KAT6A: variants seen among roughly 807,000 people sequenced by gnomAD.
KAT6A encodes the protein histone acetyltransferase KAT6A.
KAT6A carries 9 observed loss-of-function variants against 198.4 expected under a neutral mutation model. The observed-to-expected ratio is 0.05, with a 90% CI of 0.03 to 0.08. KAT6A has a LOEUF of 0.08. KAT6A is among the 10% of genes least tolerant of loss of function. The pLI is 1.00. For synonymous variants in KAT6A, 890 were observed against 883.0 expected (o/e 1.01, Z -0.14); for missense variants, 2,077 against 2,509.9 (o/e 0.83, Z 3.69).
intron 8 of KAT6A, among the ~76,000 whole-genome samples, chr8:41,967,848 A>G (rs1268118496): frequency 6.6e-6 from 1 of 152,086 alleles, no homozygotes; most frequent in Non-Finnish European, 1.5e-5. Flanking sequence ...ATCTTTGACA[A>G]ACCTGAGAAA....
At chr8:41,993,289 C>A (rs1648230017) in intron 2 of KAT6A, among the ~76,000 whole-genome samples, 1 of 152,248 alleles carries the variant, frequency 6.6e-6, no homozygotes, top group South Asian at 2.1e-4. Flanking sequence ...ATCAAATAAT[C>A]CCAGTCTTAG....
At chr8:41,971,420 A>G (rs897218426) in intron 8 of KAT6A, among the ~76,000 whole-genome samples, 2 of 152,110 alleles carry the variant, frequency 1.3e-5, no homozygotes, top group African/African-American at 2.4e-5. Flanking sequence ...TGAACCTACT[A>G]AATCATCGAC....
intron 2 of KAT6A, among the ~76,000 whole-genome samples, chr8:42,014,471 G>T (rs1826170987): frequency 6.6e-6 from 1 of 152,142 alleles, no homozygotes; most frequent in East Asian, 1.9e-4. Context: ...CACATTTTTG[G>T]CTTGAGATCA....
intron 2 of KAT6A, among the ~76,000 whole-genome samples, chr8:41,994,289 G>C (rs916548047): frequency 6.6e-6 from 1 of 152,144 alleles, no homozygotes; most frequent in African/African-American, 2.4e-5. Flanking sequence ...CAACTCTCCA[G>C]TCCAATTGCT....
chr8:41,986,392 A>G (rs1824604788), intron 3 of KAT6A, among the ~76,000 whole-genome samples: 2 of 152,208 alleles, frequency 1.3e-5, no homozygotes, highest in Admixed American at 1.3e-4. Context: ...GTAAGTTTCC[A>G]TCAAGAAAAA....
intron 2 of KAT6A, among the ~76,000 whole-genome samples, chr8:41,991,766 A>G (rs766990827): frequency 2.0e-5 from 3 of 152,176 alleles, no homozygotes; most frequent in Non-Finnish European, 4.4e-5. Flanking sequence ...TACAGGTGAT[A>G]ACTGACAGCA....
At chr8:42,013,983 C>T (rs955843200) in intron 2 of KAT6A, among the ~76,000 whole-genome samples, 3 of 152,176 alleles carry the variant, frequency 2.0e-5, no homozygotes, top group African/African-American at 7.2e-5. Flanking sequence ...TGAAAGAAGC[C>T]TTGGACAACA....
In KAT6A at chr8:42,048,521, G is replaced by A. The variant is rs773797630; in HGVS notation, c.457C>T (p.Arg153Cys). 4.3e-6 allele frequency: 7 copies of A among 1,614,156 alleles called. No homozygotes were observed. Among genetic ancestry groups the A allele is most frequent in the South Asian group, 2.2e-5 (2 of 91,086 alleles). Reference sequence around the variant, plus strand: ...AGGAGTCTGCCGTGGCCAATGGCACGTTTGATAGCCAATCGTAACTGCTGG... The same window carrying A: ...AGGAGTCTGCCGTGGCCAATGGCACATTTGATAGCCAATCGTAACTGCTGG... ...FHQQLRLAIK[R>C]AIGHGRLLKD... Residue 153 changes from arginine to cysteine, a missense_variant, in exon 2 of 17, where the codon CGT becomes TGT. This residue lies in a region of KAT6A where 185 missense variants were observed against 185.7 expected (regional missense o/e 1.00). Transcript: ENST00000265713.
chr8:42,000,002 C>T (rs950460475), intron 2 of KAT6A, among the ~76,000 whole-genome samples: 18 of 152,178 alleles, frequency 1.2e-4, no homozygotes, highest in Admixed American at 1.2e-3. Flanking sequence ...TGTTAACTGA[C>T]TGATTGCCAC....
chr8:41,959,239 G>A (rs1048774510), intron 8 of KAT6A, among the ~76,000 whole-genome samples: 2 of 150,996 alleles, frequency 1.3e-5, no homozygotes, highest in Non-Finnish European at 2.9e-5. Context: ...ATAAGCTCAT[G>A]AAAAGATGCT....
At chr8:41,968,188 AC>A (rs1351168720) in intron 8 of KAT6A, among the ~76,000 whole-genome samples, 8 of 152,298 alleles carry the variant, frequency 5.3e-5, no homozygotes, top group African/African-American at 1.9e-4. Flanking sequence ...TGAACAGGCA[AC>A]CCACAAAATG....
At position 41,931,373 on chromosome 8, in the gene KAT6A, A is replaced by G; in HGVS notation, c.*832T>C. The G allele has an allele frequency of 4.7e-6, 1 of 214,984 alleles. No individual in the cohort carries two copies. The highest frequency in any genetic ancestry group is 6.9e-5 in the East Asian group (1 of 14,444). 13.3% of individuals were successfully genotyped at this position (214,984 alleles called of 1,614,324 possible). ...CCATCTCTATTCCTCCAAAGGCTGGATTTGGATTGCAAACAGCTTTTCTCT... is the reference window on the plus strand; with the variant it reads ...CCATCTCTATTCCTCCAAAGGCTGGGTTTGGATTGCAAACAGCTTTTCTCT... On this transcript the variant is annotated 3_prime_UTR_variant, in exon 17 of 17. Transcript: ENST00000265713.
intron 8 of KAT6A, among the ~76,000 whole-genome samples, chr8:41,960,424 G>A (rs1290772693): frequency 6.1e-5 from 9 of 146,350 alleles, no homozygotes; most frequent in Non-Finnish European, 4.5e-5. Context: ...AAAGAATGGC[G>A]AGAACCCGGG....
intron 2 of KAT6A, among the ~76,000 whole-genome samples, chr8:42,039,197 T>C (rs1827519070): frequency 6.6e-6 from 1 of 152,206 alleles, no homozygotes; most frequent in African/African-American, 2.4e-5. Context: ...TGCAGATCCT[T>C]TGTGAAATGA....
intron 2 of KAT6A, among the ~76,000 whole-genome samples, chr8:42,024,386 G>A (rs894591686): frequency 3.3e-5 from 5 of 152,148 alleles, no homozygotes; most frequent in African/African-American, 7.2e-5. Flanking sequence ...CATACAATGC[G>A]TAATGATCAA....
At chr8:41,961,271 A>G (rs1823191124) in intron 8 of KAT6A, among the ~76,000 whole-genome samples, 1 of 152,184 alleles carries the variant, frequency 6.6e-6, no homozygotes, top group Admixed American at 6.5e-5. Context: ...CCTTTCACCA[A>G]TACTATGGCT....
chr8:42,004,834 A>T (rs1825659576), intron 2 of KAT6A, among the ~76,000 whole-genome samples: 1 of 152,100 alleles, frequency 6.6e-6, no homozygotes, highest in South Asian at 2.1e-4. Context: ...AGGCTAAGGC[A>T]GGAGAATCAC....
intron 3 of KAT6A, among the ~76,000 whole-genome samples, chr8:41,986,754 A>G (rs535595659): frequency 6.6e-6 from 1 of 152,206 alleles, no homozygotes; most frequent in South Asian, 2.1e-4. Context: ...CAGCCCACAT[A>G]TGGCCGGGTG....
intron 8 of KAT6A, among the ~76,000 whole-genome samples, chr8:41,958,790 CAAAT>C (rs1223080456): frequency 1.3e-5 from 2 of 152,142 alleles, no homozygotes. Flanking sequence ...GTAAGGAATA[CAAAT>C]AGTCTCACAT....
Sources: allele counts gnomAD v4.1 joint callset (sites outside exome capture counted in the v4.1 genomes callset), GRCh38; gene constraint gnomAD v4.1.1; regional missense constraint gnomAD v4.1.1; transcripts MANE v1.5; gene names NCBI Gene and HGNC (gene_info 2026-07-23, HGNC 2026-07-21).